The following CHRM3 variants were observed in gnomAD, a reference collection of about 807,000 sequenced individuals.
CHRM3 encodes cholinergic receptor muscarinic 3, also known as muscarinic acetylcholine receptor M3.
A neutral mutation model predicts 41.8 loss-of-function variants in CHRM3; 11 were observed. The observed-to-expected ratio is 0.26, with a 90% confidence interval of 0.17 to 0.44. The LOEUF is 0.44. CHRM3 is among the 20% of genes least tolerant of loss of function. The pLI is 1.00. For missense variants in CHRM3, 571 were observed against 745.4 expected, an observed-to-expected ratio of 0.77 and a Z score of 2.72; for synonymous variants, 297 against 301.4, an observed-to-expected ratio of 0.99 and a Z score of 0.15.
intron 6 of CHRM3, among the ~76,000 whole-genome samples, chr1:239,840,732 T>C (rs1673728593): frequency 6.6e-6 from 1 of 152,188 alleles, no homozygotes; most frequent in Non-Finnish European, 1.5e-5. Context: ...ATTTTTTGCA[T>C]TTATATATTC....
At chr1:239,821,157 G>T (rs1238558217) in intron 5 of CHRM3, among the ~76,000 whole-genome samples, 1 of 152,136 alleles carries the variant, frequency 6.6e-6, no homozygotes, top group African/African-American at 2.4e-5. Context: ...TTTGTGGTAT[G>T]GTTGTTTTTT....
intron 2 of CHRM3, among the ~76,000 whole-genome samples, chr1:239,530,111 G>A (rs1558293617): frequency 6.6e-6 from 1 of 152,076 alleles, no homozygotes; most frequent in Non-Finnish European, 1.5e-5. Context: ...CACCGTGTTA[G>A]CCAGGATGGT....
chr1:239,553,372 G>A (rs759492493), intron 3 of CHRM3, among the ~76,000 whole-genome samples: 25 of 152,102 alleles, frequency 1.6e-4, no homozygotes, highest in South Asian at 2.1e-4. Flanking sequence ...CTATGCTTCC[G>A]TGGGAACCAA....
intron 5 of CHRM3, among the ~76,000 whole-genome samples, chr1:239,771,462 A>G (rs1433322731): frequency 6.6e-6 from 1 of 152,244 alleles, no homozygotes; most frequent in Admixed American, 6.5e-5. Context: ...CTCCACTTCT[A>G]GCAAACTCTC....
At chr1:239,714,713 A>T in intron 5 of CHRM3, among the ~76,000 whole-genome samples, 1 of 152,172 alleles carries the variant, frequency 6.6e-6, no homozygotes, top group East Asian at 1.9e-4. Context: ...TGCCTAGAAA[A>T]TATTAGCTCA....
At chr1:239,505,378 A>G (rs937413846) in intron 2 of CHRM3, among the ~76,000 whole-genome samples, 33 of 152,066 alleles carry the variant, frequency 2.2e-4, no homozygotes, top group African/African-American at 7.7e-4. Context: ...GGGACCTGGC[A>G]GGAGGTAATT....
intron 6 of CHRM3, among the ~76,000 whole-genome samples, chr1:239,848,003 A>T (rs1344097983): frequency 2.0e-5 from 3 of 150,710 alleles, no homozygotes; most frequent in African/African-American, 7.5e-5. Flanking sequence ...CATGGTAGCA[A>T]GAAGCTGATC....
intron 4 of CHRM3, among the ~76,000 whole-genome samples, chr1:239,662,325 C>G (rs1673283048): frequency 6.6e-6 from 1 of 152,050 alleles, no homozygotes; most frequent in South Asian, 2.1e-4. Flanking sequence ...ATTGACATGT[C>G]TGATTTTGAA....
chr1:239,673,933 T>TAAAACACTCCAAAATCC (rs1657682211), intron 4 of CHRM3, among the ~76,000 whole-genome samples: 2 of 152,096 alleles, frequency 1.3e-5, no homozygotes, highest in African/African-American at 4.8e-5. Flanking sequence ...CTCCAAAATC[T>TAAAACACTCCAAAATCC]AAAACACTCC....
intron 3 of CHRM3, among the ~76,000 whole-genome samples, chr1:239,630,900 G>T (rs1669743995): frequency 6.6e-6 from 1 of 152,020 alleles, no homozygotes; most frequent in Non-Finnish European, 1.5e-5. Flanking sequence ...AGGGCCGGGG[G>T]AGGGCAGCAG....
At chr1:239,734,011 T>C (rs529517706) in intron 5 of CHRM3, among the ~76,000 whole-genome samples, 49 of 152,232 alleles carry the variant, frequency 3.2e-4, no homozygotes, top group African/African-American at 1.0e-3. Context: ...TCCACACTTT[T>C]ACGCAATGTG....
intron 3 of CHRM3, among the ~76,000 whole-genome samples, chr1:239,597,858 GTTT>G (rs35067421): frequency 8.3e-6 from 1 of 120,878 alleles, no homozygotes; most frequent in African/African-American, 3.0e-5. Flanking sequence ...AACTGTCAGA[GTTT>G]TTTTTTTTTT....
intron 5 of CHRM3, among the ~76,000 whole-genome samples, chr1:239,823,975 G>A (rs1004624541): frequency 2.0e-5 from 3 of 152,068 alleles, no homozygotes; most frequent in East Asian, 1.9e-4. Context: ...AACAGCTCTC[G>A]AATAATAACT....
At chr1:239,894,000 T>C (rs935836954) in intron 6 of CHRM3, among the ~76,000 whole-genome samples, 5 of 152,202 alleles carry the variant, frequency 3.3e-5, no homozygotes, top group African/African-American at 1.2e-4. Context: ...ACTTTGTTTT[T>C]AAGGGTCTTT....
At chr1:239,715,320 C>T (rs1662229843) in intron 5 of CHRM3, among the ~76,000 whole-genome samples, 2 of 152,072 alleles carry the variant, frequency 1.3e-5, no homozygotes, top group Admixed American at 6.6e-5. Context: ...AGGCTATGCA[C>T]CAGAATTTTT....
intron 2 of CHRM3, among the ~76,000 whole-genome samples, chr1:239,499,576 T>C (rs1668092314): frequency 6.6e-6 from 1 of 152,172 alleles, no homozygotes; most frequent in African/African-American, 2.4e-5. Flanking sequence ...TCAACAATGT[T>C]TCTCATCCCA....
At chr1:239,606,646 A>G (rs1666329860) in intron 3 of CHRM3, among the ~76,000 whole-genome samples, 1 of 152,172 alleles carries the variant, frequency 6.6e-6, no homozygotes, top group Admixed American at 6.5e-5. Flanking sequence ...TTGCCCCAAT[A>G]ATTTTTAAGA....
chr1:239,580,885 A>G (rs1359105282), intron 3 of CHRM3, among the ~76,000 whole-genome samples: 1 of 151,768 alleles, frequency 6.6e-6, no homozygotes, highest in Non-Finnish European at 1.5e-5. Context: ...TCACATCCAC[A>G]GATTTCTCCA....
intron 3 of CHRM3, among the ~76,000 whole-genome samples, chr1:239,547,790 T>A (rs537343280): frequency 4.1e-4 from 62 of 152,220 alleles, no homozygotes; most frequent in Non-Finnish European, 7.9e-4. Flanking sequence ...CAATTATTGA[T>A]TTATTTTGTT....
Sources: allele counts gnomAD v4.1 joint callset (sites outside exome capture counted in the v4.1 genomes callset), GRCh38; gene constraint gnomAD v4.1.1; transcripts MANE v1.5; gene names NCBI Gene and HGNC (gene_info 2026-07-23, HGNC 2026-07-21).